Variants in LRP1B observed in about 807,000 individuals in gnomAD.
LRP1B encodes low-density lipoprotein receptor-related protein 1B.
LRP1B carries 217 observed loss-of-function variants against 556.6 expected under a neutral mutation model. The observed-to-expected ratio is 0.39, with a 90% CI of 0.35 to 0.44. LRP1B has a LOEUF of 0.44. LRP1B is among the 20% of genes least tolerant of loss of function. The pLI is 1.00. For synonymous variants in LRP1B, 2,047 were observed against 1,865.8 expected, an observed-to-expected ratio of 1.10 and a Z score of -2.50; for missense variants, 5,053 against 5,620.8, an observed-to-expected ratio of 0.90 and a Z score of 3.23.
At chr2:142,079,806 A>G (rs960104057) in intron 1 of LRP1B, among the ~76,000 whole-genome samples, 7 of 152,144 alleles carry the variant, frequency 4.6e-5, no homozygotes, top group Non-Finnish European at 1.0e-4. Context: ...CACTGCGCCC[A>G]GCCTCTTTCT....
intron 41 of LRP1B, among the ~76,000 whole-genome samples, chr2:140,677,799 C>T (rs1042159042): frequency 4.0e-5 from 6 of 151,274 alleles, no homozygotes; most frequent in African/African-American, 1.2e-4. Context: ...TCGCCAGAAC[C>T]CAGGAGGTGG....
chr2:141,169,793 C>G (rs60699417), intron 7 of LRP1B, among the ~76,000 whole-genome samples: 3,774 of 141,138 alleles, frequency 0.027, 61 homozygotes, highest in South Asian at 0.061. Context: ...ACCTCCCACA[C>G]CTTAACCAAA....
At chr2:141,896,142 T>C (rs1699447045) in intron 1 of LRP1B, among the ~76,000 whole-genome samples, 1 of 152,164 alleles carries the variant, frequency 6.6e-6, no homozygotes, top group East Asian at 1.9e-4. Context: ...TGAAGTATCT[T>C]ACCATTTAAA....
intron 85 of LRP1B, 32 bp downstream of exon 85, chr2:140,274,392 G>C (rs2104951552): frequency 1.3e-6 from 2 of 1,592,258 alleles, no homozygotes; most frequent in Non-Finnish European, 1.7e-6. Context: ...GTGTCCAAAT[G>C]CTTTTATAAA....
intron 35 of LRP1B, among the ~76,000 whole-genome samples, chr2:140,765,905 C>T (rs1218749170): frequency 1.3e-5 from 2 of 151,976 alleles, no homozygotes; most frequent in Non-Finnish European, 2.9e-5. Context: ...GAATAAGAGG[C>T]TAATGCTAAA....
chr2:141,555,599 A>C (rs1296462820), intron 2 of LRP1B, among the ~76,000 whole-genome samples: 3 of 151,902 alleles, frequency 2.0e-5, no homozygotes, highest in Non-Finnish European at 4.4e-5. Context: ...TCTTGCCTAA[A>C]ATTTCTGCAG....
chr2:141,286,718 A>G (rs1057050218), intron 3 of LRP1B: 1 of 447,200 alleles, frequency 2.2e-6, no homozygotes, highest in African/African-American at 2.0e-5. Flanking sequence ...TTGCTAAATC[A>G]TATTATTCAA....
chr2:140,331,768 T>G (rs1680827990), intron 79 of LRP1B, among the ~76,000 whole-genome samples: 1 of 151,546 alleles, frequency 6.6e-6, no homozygotes, highest in African/African-American at 2.4e-5. Flanking sequence ...GGATCTTGCC[T>G]CACTACAATT....
At chr2:140,421,230 G>T (rs942458319) in intron 66 of LRP1B, among the ~76,000 whole-genome samples, 1 of 151,980 alleles carries the variant, frequency 6.6e-6, no homozygotes, top group Non-Finnish European at 1.5e-5. Flanking sequence ...ACCTCAGCCT[G>T]GGCAACAAAG....
chr2:140,406,682 G>T (rs930455358), intron 66 of LRP1B, among the ~76,000 whole-genome samples: 1 of 152,078 alleles, frequency 6.6e-6, no homozygotes, highest in Non-Finnish European at 1.5e-5. Context: ...ATTGTTGGAA[G>T]AAATCACTAA....
At chr2:140,667,772 CTT>C (rs879410489) in intron 41 of LRP1B, among the ~76,000 whole-genome samples, 3 of 152,158 alleles carry the variant, frequency 2.0e-5, no homozygotes, top group Non-Finnish European at 4.4e-5. Context: ...AGAATATACG[CTT>C]TTTTGCTCTG....
chr2:141,114,126 G>A, intron 7 of LRP1B, among the ~76,000 whole-genome samples: 1 of 152,208 alleles, frequency 6.6e-6, no homozygotes, highest in East Asian at 1.9e-4. Context: ...CGGCTGCCAT[G>A]TGCTCAAACC....
chr2:140,977,282 G>A (rs1339546955), intron 18 of LRP1B, among the ~76,000 whole-genome samples: 1 of 152,010 alleles, frequency 6.6e-6, no homozygotes, highest in Non-Finnish European at 1.5e-5. Context: ...CAATCTCTCT[G>A]TCTCATACCA....
intron 5 of LRP1B, among the ~76,000 whole-genome samples, chr2:141,236,957 T>G (rs1223020783): frequency 6.6e-6 from 1 of 152,172 alleles, no homozygotes; most frequent in Admixed American, 6.6e-5. Flanking sequence ...TCATTTGTTT[T>G]TATGAAGAAA....
At chr2:140,544,053 T>C (rs975598497) in intron 43 of LRP1B, among the ~76,000 whole-genome samples, 4 of 152,088 alleles carry the variant, frequency 2.6e-5, no homozygotes, top group Non-Finnish European at 5.9e-5. Flanking sequence ...AAGTATAATA[T>C]ATATGTGTCA....
intron 2 of LRP1B, among the ~76,000 whole-genome samples, chr2:141,768,300 A>AT (rs1391802354): frequency 6.6e-6 from 1 of 151,894 alleles, no homozygotes; most frequent in African/African-American, 2.4e-5. Context: ...TAAATGAGAG[A>AT]TTTTTCAGGC....
intron 1 of LRP1B, among the ~76,000 whole-genome samples, chr2:141,892,646 C>T (rs1699324615): frequency 6.6e-6 from 1 of 152,112 alleles, no homozygotes; most frequent in South Asian, 2.1e-4. Context: ...AACATTCATA[C>T]TAACCCTGGA....
At chr2:141,124,442 G>A (rs369934369) in intron 7 of LRP1B, among the ~76,000 whole-genome samples, 15 of 151,790 alleles carry the variant, frequency 9.9e-5, no homozygotes, top group Non-Finnish European at 1.6e-4. Context: ...TATTAATTTC[G>A]CTTGCAAAGC....
At chr2:141,741,035 C>T (rs1188020024) in intron 2 of LRP1B, among the ~76,000 whole-genome samples, 3 of 152,050 alleles carry the variant, frequency 2.0e-5, no homozygotes, top group Non-Finnish European at 4.4e-5. Context: ...TCTTTTTGCG[C>T]CTGCCTTATT....
Sources: gnomAD v4.1 joint callset for allele counts (sites outside exome capture counted in the v4.1 genomes callset) on GRCh38, gnomAD v4.1.1 for gene constraint, MANE v1.5 for transcripts, NCBI Gene and HGNC (gene_info 2026-07-23, HGNC 2026-07-21) for gene names.